Variants in GUCY1B1 observed in about 807,000 individuals in gnomAD.
GUCY1B1 encodes guanylate cyclase 1 soluble subunit beta 1.
A neutral mutation model predicts 71.0 loss-of-function variants in GUCY1B1; 43 were observed. The observed-to-expected ratio is 0.61, with a 90% CI of 0.47 to 0.78. GUCY1B1 has a LOEUF of 0.78. Among genes scored for constraint, GUCY1B1 ranks in the 30% least tolerant of loss-of-function variants. The pLI, the probability that GUCY1B1 is intolerant of heterozygous loss-of-function variation, is 0.00. For synonymous variants in GUCY1B1, 266 were observed against 259.7 expected, an observed-to-expected ratio of 1.02 and a Z score of -0.23; for missense variants, 535 against 754.1, an observed-to-expected ratio of 0.71 and a Z score of 3.40.
chr4:155,763,792 A>T (rs1463732864), intron 2 of GUCY1B1, among the ~76,000 whole-genome samples: 2 of 152,196 alleles, frequency 1.3e-5, no homozygotes, highest in African/African-American at 4.8e-5. Context: ...CCTCCATTGC[A>T]TAGAGGAAAA....
intron 2 of GUCY1B1, among the ~76,000 whole-genome samples, chr4:155,771,712 C>T (rs184027209): frequency 4.1e-4 from 63 of 152,232 alleles, no homozygotes; most frequent in South Asian, 1.2e-3. Flanking sequence ...AGAATTTGTT[C>T]TGTTTTTACA....
At chr4:155,788,942 C>T (rs920288215) in intron 4 of GUCY1B1, among the ~76,000 whole-genome samples, 1 of 152,112 alleles carries the variant, frequency 6.6e-6, no homozygotes, top group Non-Finnish European at 1.5e-5. Context: ...TAGCTTACAC[C>T]GTTTCTTCTA....
rs534052532 is a variant in GUCY1B1 at position 155,799,183 on chromosome 4, T to G, written c.978-694T>G. Among the ~76,000 whole-genome samples the G allele has an allele frequency of 3.9e-5, 6 of 152,240 alleles. No individual in the cohort carries two copies. In the South Asian group the frequency reaches 1.0e-3, roughly 26 times the overall value. The stretch of plus-strand genomic sequence containing the variant: ...GCAGTTAACTTTTTACTTGTCAGAT[T>G]ATCACTAAAATAATAAACATTATTA... On this transcript the variant is annotated intron_variant, in intron 8 of 13. Coordinates refer to ENST00000264424, the MANE Select transcript of GUCY1B1 (RefSeq NM_000857.5).
At chr4:155,759,191 C>G in intron 1 of GUCY1B1, 48 bp downstream of exon 1, 1 of 1,536,134 alleles carries the variant, frequency 6.5e-7, no homozygotes, top group East Asian at 2.5e-5. Flanking sequence ...CCTCCTCGGC[C>G]GGCCTGGCAG....
chr4:155,785,209 G>A, intron 4 of GUCY1B1: 1 of 689,778 alleles, frequency 1.4e-6, no homozygotes, highest in Non-Finnish European at 2.5e-6. Flanking sequence ...TATCAAAATA[G>A]ATGAATGGAC....
At chr4:155,779,505 A>G (rs1386656314) in intron 4 of GUCY1B1, among the ~76,000 whole-genome samples, 2 of 94,254 alleles carry the variant, frequency 2.1e-5, no homozygotes, top group East Asian at 2.3e-4. Flanking sequence ...ATTATACACA[A>G]TTTTATTTTA....
intron 2 of GUCY1B1, among the ~76,000 whole-genome samples, chr4:155,764,200 T>C (rs930785755): frequency 1.3e-5 from 2 of 152,204 alleles, no homozygotes; most frequent in Admixed American, 6.5e-5. Context: ...TAAACTTCTA[T>C]ACCTTTCTGT....
intron 4 of GUCY1B1, among the ~76,000 whole-genome samples, chr4:155,787,132 G>A (rs1474634725): frequency 6.6e-6 from 1 of 152,086 alleles, no homozygotes; most frequent in East Asian, 1.9e-4. Flanking sequence ...GCAGTTCTCA[G>A]GTCGTCCCTT....
rs1318267832 is a variant in GUCY1B1 at position 155,802,401 on chromosome 4, T to C, written c.1235T>C (p.Val412Ala). Reference protein sequence around the residue: ...VANELRHKRPVPAKRYDNVTI... With the variant: ...VANELRHKRPAPAKRYDNVTI... ...AATGAGCTGCGGCACAAGCGTCCAG[T>C]GCCTGCCAAAAGATATGACAATGTG... The change falls in exon 10 of 14, where the codon GTG becomes GCG. Residue 412 changes from valine to alanine, a missense_variant. Coordinates refer to ENST00000264424, the MANE Select transcript of GUCY1B1 (RefSeq NM_000857.5). This position sits in a 1 kb window ranked among gnomAD's most constrained non-coding sequence, Gnocchi z 4.3. 4 of 1,613,780 alleles carry C rather than the reference T, an allele frequency of 2.5e-6. No homozygotes were observed. The highest frequency in any genetic ancestry group is 1.1e-5 in the South Asian group (1 of 91,068).
In GUCY1B1 at chr4:155,806,400, TG is replaced by T; in HGVS notation, c.1852del (p.Asp618MetfsTer9). The T allele has an allele frequency of 6.2e-7, 1 of 1,605,618 alleles. No individual in the cohort carries two copies. Among genetic ancestry groups the T allele is most frequent in the South Asian group, 1.1e-5 (1 of 90,738 alleles). On this transcript the variant is annotated frameshift_variant, in exon 14 of 14. Coordinates refer to ENST00000264424, the MANE Select transcript of GUCY1B1 (RefSeq NM_000857.5). LOFTEE classifies it high-confidence loss of function. ...NTGTEETKQD[D>X]D ...GCCTATTTAAGGAAACAAAGCAGGATGATGACTGAATCTTGGATTATGGGGT... is the reference window on the plus strand; with the variant it reads ...GCCTATTTAAGGAAACAAAGCAGGATATGACTGAATCTTGGATTATGGGGT...
chr4:155,805,041 G>T, intron 12 of GUCY1B1, 62 bp from the exon 13 acceptor site: 1 of 1,425,512 alleles, frequency 7.0e-7, no homozygotes, highest in Non-Finnish European at 9.8e-7. Flanking sequence ...CATGATACAT[G>T]TCACCTTCTC....
chr4:155,794,157 A>T, intron 6 of GUCY1B1, 71 bp downstream of exon 6: 1 of 800,996 alleles, frequency 1.2e-6, no homozygotes, highest in South Asian at 1.6e-5. Context: ...ACAGGCAGCC[A>T]TCCATTCATT....
chr4:155,773,058 T>C (rs1737799762), intron 2 of GUCY1B1, among the ~76,000 whole-genome samples: 1 of 152,216 alleles, frequency 6.6e-6, no homozygotes, highest in South Asian at 2.1e-4. Flanking sequence ...TTTAAGGAGT[T>C]ATTTGAGCTG....
intron 1 of GUCY1B1, 144 bp downstream of exon 1, chr4:155,759,287 C>G (rs1348995193): frequency 1.2e-5 from 9 of 767,284 alleles, no homozygotes; most frequent in Non-Finnish European, 1.8e-5. Context: ...ACTCCTTGCC[C>G]GCGCCCAGTC....
At chr4:155,770,240 TA>T (rs1198791697) in intron 2 of GUCY1B1, among the ~76,000 whole-genome samples, 1 of 152,048 alleles carries the variant, frequency 6.6e-6, no homozygotes, top group African/African-American at 2.4e-5. Flanking sequence ...AGGTAGCAGA[TA>T]AAAAAACAGC....
chr4:155,791,272 G>T (rs536401342), intron 5 of GUCY1B1, among the ~76,000 whole-genome samples: 1 of 151,154 alleles, frequency 6.6e-6, no homozygotes, highest in East Asian at 2.0e-4. Flanking sequence ...CCACCACCAC[G>T]CCCGGCTAAT....
chr4:155,799,855 G>C (rs1247339078), intron 8 of GUCY1B1, 22 bp from the exon 9 acceptor site: 2 of 1,486,446 alleles, frequency 1.3e-6, no homozygotes, highest in South Asian at 1.2e-5. Context: ...GACTGATCTT[G>C]CCTCATTTCT....
chr4:155,798,813 C>T (rs1718063038), intron 8 of GUCY1B1, among the ~76,000 whole-genome samples: 1 of 150,766 alleles, frequency 6.6e-6, no homozygotes, highest in East Asian at 1.9e-4. Context: ...AACCTTATGC[C>T]ATTTTAACCA....
chr4:155,787,033 T>A (rs138504935), intron 4 of GUCY1B1, among the ~76,000 whole-genome samples: 2 of 152,190 alleles, frequency 1.3e-5, no homozygotes, highest in African/African-American at 2.4e-5. Flanking sequence ...TAAAACTCTC[T>A]CAGTGATTTT....
Sources: gnomAD v4.1 joint callset for allele counts (sites outside exome capture counted in the v4.1 genomes callset) on GRCh38, gnomAD v4.1.1 for gene constraint, Gnocchi (gnomAD v3.1) non-coding constraint, MANE v1.5 for transcripts, NCBI Gene and HGNC (gene_info 2026-07-23, HGNC 2026-07-21) for gene names.